RBFOX1: variants seen among roughly 807,000 people sequenced by gnomAD.
RBFOX1 encodes RNA binding protein fox-1 homolog 1.
A neutral mutation model predicts 57.7 loss-of-function variants in RBFOX1; 8 were observed. The observed-to-expected ratio is 0.14, with a 90% CI of 0.08 to 0.25. The LOEUF is 0.25. RBFOX1 is among the 10% of genes least tolerant of loss of function. RBFOX1 has a pLI of 1.00. For synonymous variants in RBFOX1, 326 were observed against 222.4 expected, an observed-to-expected ratio of 1.47 and a Z score of -4.15; for missense variants, 611 against 548.5, an observed-to-expected ratio of 1.11 and a Z score of -1.14.
At chr16:7,061,192 C>G (rs1346598367) in intron 4 of RBFOX1, among the ~76,000 whole-genome samples, 1 of 152,200 alleles carries the variant, frequency 6.6e-6, no homozygotes, top group Non-Finnish European at 1.5e-5. Context: ...TGCAGGAACT[C>G]AGGCAAATGA....
chr16:5,434,592 T>A (rs946528029), intron 1 of RBFOX1, among the ~76,000 whole-genome samples: 7 of 152,122 alleles, frequency 4.6e-5, no homozygotes, highest in African/African-American at 1.7e-4. Flanking sequence ...GTGCTGAGAT[T>A]ACAGGCAAGA....
At chr16:6,226,939 T>A (rs2097422480) in intron 1 of RBFOX1, among the ~76,000 whole-genome samples, 2 of 132,772 alleles carry the variant, frequency 1.5e-5, no homozygotes, top group African/African-American at 2.9e-5. Context: ...TGAAACCCCA[T>A]CTCTACTAAA....
intron 3 of RBFOX1, among the ~76,000 whole-genome samples, chr16:6,783,166 T>G (rs1306836510): frequency 6.7e-6 from 1 of 149,512 alleles, no homozygotes; most frequent in Non-Finnish European, 1.5e-5. Context: ...TATAGTTGGG[T>G]CTTTTTAAAA....
chr16:7,590,713 G>A (rs779114485), intron 7 of RBFOX1, among the ~76,000 whole-genome samples: 8 of 151,948 alleles, frequency 5.3e-5, no homozygotes, highest in Non-Finnish European at 7.4e-5. Flanking sequence ...TACAAAATTA[G>A]CAGGGTGTGG....
intron 14 of RBFOX1, among the ~76,000 whole-genome samples, chr16:7,703,248 C>T (rs2081351129): frequency 6.6e-6 from 1 of 152,156 alleles, no homozygotes; most frequent in African/African-American, 2.4e-5. Context: ...TTGCAGAGAC[C>T]CGGGCCATTC....
intron 3 of RBFOX1, among the ~76,000 whole-genome samples, chr16:6,928,553 T>G (rs2076011220): frequency 6.6e-6 from 1 of 152,096 alleles, no homozygotes; most frequent in African/African-American, 2.4e-5. Flanking sequence ...GGTAACCTTG[T>G]TGGCCCAAGG....
intron 4 of RBFOX1, among the ~76,000 whole-genome samples, chr16:5,936,887 G>T (rs150728089): frequency 1.3e-5 from 2 of 152,288 alleles, no homozygotes; most frequent in African/African-American, 4.8e-5. Context: ...AGGGCTTTGG[G>T]ACTGGGGGTG....
intron 2 of RBFOX1, among the ~76,000 whole-genome samples, chr16:5,536,287 T>A (rs1373709884): frequency 1.4e-5 from 2 of 140,652 alleles, no homozygotes; most frequent in Non-Finnish European, 3.0e-5. Flanking sequence ...TAGGCTGGAG[T>A]GCAGTGGCAT....
chr16:5,615,819 G>T (rs1374186578), intron 3 of RBFOX1, among the ~76,000 whole-genome samples: 2 of 152,188 alleles, frequency 1.3e-5, no homozygotes, highest in Non-Finnish European at 2.9e-5. Flanking sequence ...GCCCACCAGT[G>T]TTAGCAATGG....
rs532449061 is a variant in RBFOX1, at chr16:6,861,493, C to CA, written c.-15-190564_-15-190563insA. 2.4e-4 allele frequency among the ~76,000 whole-genome samples: 36 copies of CA among 151,428 alleles called. No individual in the cohort carries two copies. In the East Asian group the frequency reaches 6.0e-3, roughly 25 times the overall value. ...GATTCCCCTCCCAACCCCCTCCCCCCCCGACTCAATTACAAGAATAATTGC... is the reference window on the plus strand; with the variant it reads ...GATTCCCCTCCCAACCCCCTCCCCCCACCGACTCAATTACAAGAATAATTGC... On this transcript the variant is annotated intron_variant, in intron 3 of 15. Coordinates refer to ENST00000550418, the MANE Select transcript of RBFOX1 (RefSeq NM_018723.4).
At chr16:6,136,425 A>G (rs555675852) in intron 1 of RBFOX1, among the ~76,000 whole-genome samples, 1 of 152,138 alleles carries the variant, frequency 6.6e-6, no homozygotes, top group Non-Finnish European at 1.5e-5. Flanking sequence ...AGACATACTG[A>G]GGCAATTACA....
At position 6,811,955 on chromosome 16, in the gene RBFOX1, T is replaced by A. The variant is rs186064802; in HGVS notation, c.-16+157305T>A. ...AAAAATACTGAAATAAGTTGCAGAC[T>A]GGAATTTCTTACAGATGTTGTTTCT... On this transcript the variant is annotated intron_variant, in intron 3 of 15. Coordinates refer to ENST00000550418, the MANE Select transcript of RBFOX1 (RefSeq NM_018723.4). Among the ~76,000 whole-genome samples, 25 of 152,272 alleles carry A rather than the reference T, an allele frequency of 1.6e-4. No homozygotes were observed. The East Asian group carries it at 4.8e-3, about 29-fold the overall frequency.
chr16:6,084,871 C>G (rs1469753288), intron 1 of RBFOX1, among the ~76,000 whole-genome samples: 1 of 152,154 alleles, frequency 6.6e-6, no homozygotes, highest in African/African-American at 2.4e-5. Context: ...ATCTATTTGA[C>G]TTGAAGTGGC....
chr16:6,760,745 A>T (rs1255681040), intron 3 of RBFOX1, among the ~76,000 whole-genome samples: 1 of 152,238 alleles, frequency 6.6e-6, no homozygotes, highest in Non-Finnish European at 1.5e-5. Context: ...GGCAAGGCAC[A>T]GCCTTGGTGC....
At chr16:6,682,500 A>C (rs1198852190) in intron 3 of RBFOX1, among the ~76,000 whole-genome samples, 1 of 152,202 alleles carries the variant, frequency 6.6e-6, no homozygotes, top group African/African-American at 2.4e-5. Flanking sequence ...TTTTGTGGTG[A>C]TGTAGAAAAG....
At chr16:5,963,950 C>T (rs1032939745) in intron 4 of RBFOX1, among the ~76,000 whole-genome samples, 2 of 152,076 alleles carry the variant, frequency 1.3e-5, no homozygotes, top group Non-Finnish European at 2.9e-5. Flanking sequence ...AAACCCTCAA[C>T]AAAATGGAAA....
intron 3 of RBFOX1, among the ~76,000 whole-genome samples, chr16:5,764,185 C>G (rs1201804496): frequency 6.6e-6 from 1 of 152,216 alleles, no homozygotes; most frequent in East Asian, 1.9e-4. Context: ...GCTACTACAA[C>G]TCTCCAGCTC....
chr16:7,061,447 A>G (rs899617425), intron 4 of RBFOX1, among the ~76,000 whole-genome samples: 6 of 152,184 alleles, frequency 3.9e-5, no homozygotes, highest in Non-Finnish European at 8.8e-5. Flanking sequence ...AAATATGATT[A>G]AATAAAGAAG....
chr16:6,929,580 C>T (rs550895252), intron 3 of RBFOX1, among the ~76,000 whole-genome samples: 2 of 152,004 alleles, frequency 1.3e-5, no homozygotes, highest in African/African-American at 4.8e-5. Flanking sequence ...CTGCATGGGG[C>T]CGGGGAAATT....
Sources: allele counts gnomAD v4.1 joint callset (sites outside exome capture counted in the v4.1 genomes callset), GRCh38; gene constraint gnomAD v4.1.1; transcripts MANE v1.5; gene names NCBI Gene and HGNC (gene_info 2026-07-23, HGNC 2026-07-21).